The following SRPK2 variants were observed in gnomAD, a reference collection of about 807,000 sequenced individuals.
SRPK2 encodes SFRS protein kinase 2.
In SRPK2, 21 loss-of-function variants were observed where a neutral mutation model predicts 90.8. That is an observed-to-expected ratio of 0.23 (90% confidence interval 0.16 to 0.33). The LOEUF is 0.33. Ranked by LOEUF, SRPK2 falls within the 10% of genes least tolerant of loss-of-function variation. SRPK2 has a pLI of 1.00. For missense variants in SRPK2, 620 were observed against 869.0 expected (o/e 0.71, Z 3.60); for synonymous variants, 288 against 311.1 (o/e 0.93, Z 0.78).
At chr7:105,193,802 C>T (rs1207098618) in intron 3 of SRPK2, among the ~76,000 whole-genome samples, 1 of 152,120 alleles carries the variant, frequency 6.6e-6, no homozygotes. Context: ...GTAAAGAAGA[C>T]AAAAACCAAA....
chr7:105,181,902 AAC>A (rs1792893254), intron 3 of SRPK2, among the ~76,000 whole-genome samples: 1 of 131,108 alleles, frequency 7.6e-6, no homozygotes, highest in South Asian at 2.5e-4. Flanking sequence ...AAAAACAGAA[AAC>A]ACACACACAA....
intron 2 of SRPK2, among the ~76,000 whole-genome samples, chr7:105,237,027 A>G (rs1800227209): frequency 6.6e-6 from 1 of 152,238 alleles, no homozygotes; most frequent in African/African-American, 2.4e-5. Flanking sequence ...GTTTGTGTAA[A>G]GACAGGCACT....
At chr7:105,345,381 C>T (rs749677621) in intron 2 of SRPK2, among the ~76,000 whole-genome samples, 104 of 152,074 alleles carry the variant, frequency 6.8e-4, no homozygotes, top group Middle Eastern at 3.4e-3. Flanking sequence ...ACTTCTCTCC[C>T]GTAGATTGAA....
At chr7:105,368,718 T>C (rs1345070030) in intron 2 of SRPK2, among the ~76,000 whole-genome samples, 2 of 152,028 alleles carry the variant, frequency 1.3e-5, no homozygotes, top group African/African-American at 2.4e-5. Context: ...ACCCCGTCTC[T>C]ACTAAAAATA....
chr7:105,333,810 T>C (rs1814728811), intron 2 of SRPK2, among the ~76,000 whole-genome samples: 1 of 152,252 alleles, frequency 6.6e-6, no homozygotes, highest in East Asian at 1.9e-4. Context: ...TAATAACTGA[T>C]CTAAATACCA....
intron 13 of SRPK2, among the ~76,000 whole-genome samples, chr7:105,130,118 A>T (rs1477300153): frequency 6.6e-6 from 1 of 152,124 alleles, no homozygotes; most frequent in Non-Finnish European, 1.5e-5. Flanking sequence ...AACCCAACAT[A>T]CCCTTGCTGT....
chr7:105,125,777 G>A (rs749194874), intron 15 of SRPK2: 131 of 1,249,920 alleles, frequency 1.0e-4, no homozygotes, highest in South Asian at 2.4e-4. Context: ...CATAAATACC[G>A]TTACCTTTTC....
intron 7 of SRPK2, among the ~76,000 whole-genome samples, chr7:105,157,104 C>T (rs929494968): frequency 6.6e-6 from 1 of 151,984 alleles, no homozygotes; most frequent in Non-Finnish European, 1.5e-5. Context: ...GCACAGAGAG[C>T]CAAGAAAAGC....
intron 2 of SRPK2, among the ~76,000 whole-genome samples, chr7:105,232,149 C>G (rs1179147191): frequency 6.6e-6 from 1 of 152,128 alleles, no homozygotes; most frequent in East Asian, 1.9e-4. Context: ...AGCCACCACA[C>G]CCAGACTAAA....
At chr7:105,203,544 C>A in intron 3 of SRPK2, 84 bp downstream of exon 3, 1 of 1,363,480 alleles carries the variant, frequency 7.3e-7, no homozygotes, top group Non-Finnish European at 9.6e-7. Flanking sequence ...ATCACTACCT[C>A]CTCCCCTTGT....
chr7:105,326,511 T>C (rs2131616901), intron 2 of SRPK2, among the ~76,000 whole-genome samples: 1 of 152,334 alleles, frequency 6.6e-6, no homozygotes, highest in East Asian at 1.9e-4. Flanking sequence ...ACACAGCGAA[T>C]AATTGGCAAG....
At chr7:105,288,960 T>TA (rs1563197213) in intron 2 of SRPK2, among the ~76,000 whole-genome samples, 1 of 151,970 alleles carries the variant, frequency 6.6e-6, no homozygotes, top group Non-Finnish European at 1.5e-5. Context: ...TTCCTTTTTT[T>TA]AAAAAATAAC....
chr7:105,388,641 G>T lies in SRPK2; in HGVS notation c.71+7C>A. On this transcript the variant is annotated splice_region_variant and intron_variant, in intron 2 of 15. Transcript: ENST00000393651. The stretch of plus-strand genomic sequence containing the variant: ...GGGGAACGGGGACAGGCGCAGCGTG[G>T]ACTCACTTTTTCGGATGTTTCTCTC... 6.3e-7 allele frequency: 1 copy of T among 1,586,690 alleles called. No homozygotes were observed. The highest frequency in any genetic ancestry group is 8.6e-7 in the Non-Finnish European group (1 of 1,166,822).
intron 2 of SRPK2, among the ~76,000 whole-genome samples, chr7:105,310,200 G>C (rs1351865857): frequency 6.6e-6 from 1 of 152,194 alleles, no homozygotes; most frequent in African/African-American, 2.4e-5. Flanking sequence ...TGAGGTACTG[G>C]AAAGGGGAAC....
chr7:105,351,350 G>A (rs1305550275), intron 2 of SRPK2, among the ~76,000 whole-genome samples: 1 of 151,864 alleles, frequency 6.6e-6, no homozygotes, highest in East Asian at 1.9e-4. Flanking sequence ...AAATTACCCA[G>A]TCTTAACCAG....
At chr7:105,359,855 T>C (rs998371905) in intron 2 of SRPK2, among the ~76,000 whole-genome samples, 3 of 152,206 alleles carry the variant, frequency 2.0e-5, no homozygotes, top group African/African-American at 4.8e-5. Context: ...GTATATTCCG[T>C]TGATTTGGGG....
At chr7:105,206,163 C>T (rs1796214824) in intron 2 of SRPK2, among the ~76,000 whole-genome samples, 2 of 152,134 alleles carry the variant, frequency 1.3e-5, no homozygotes, top group Non-Finnish European at 2.9e-5. Flanking sequence ...CACCCCACCA[C>T]CCAGCTGTGG....
intron 3 of SRPK2, among the ~76,000 whole-genome samples, chr7:105,174,847 G>A (rs1791625272): frequency 6.6e-6 from 1 of 152,102 alleles, no homozygotes. Context: ...AGTCTCAATA[G>A]AAATAAGAGG....
chr7:105,220,378 T>C (rs1332977116), intron 2 of SRPK2, among the ~76,000 whole-genome samples: 3 of 151,848 alleles, frequency 2.0e-5, no homozygotes, highest in Non-Finnish European at 4.4e-5. Context: ...AATACAAAAA[T>C]TAGCTGGGCG....
Sources: allele counts gnomAD v4.1 joint callset (sites outside exome capture counted in the v4.1 genomes callset), GRCh38; gene constraint gnomAD v4.1.1; transcripts MANE v1.5; gene names NCBI Gene and HGNC (gene_info 2026-07-23, HGNC 2026-07-21).